The following DOCK4 variants were observed in gnomAD, a reference collection of about 807,000 sequenced individuals.
DOCK4 encodes the protein dedicator of cytokinesis 4.
DOCK4 carries 97 observed loss-of-function variants against 268.1 expected under a neutral mutation model. That is an observed-to-expected ratio of 0.36 (90% CI 0.31 to 0.43). The LOEUF (loss-of-function observed/expected upper bound fraction) is 0.43, where lower values mean the gene tolerates loss of function less well. Ranked by LOEUF, DOCK4 falls within the 20% of genes least tolerant of loss-of-function variation. DOCK4 has a pLI of 1.00. For synonymous variants in DOCK4, 954 were observed against 887.2 expected (o/e 1.08, Z -1.34); for missense variants, 2,145 against 2,455.7 (o/e 0.87, Z 2.67).
chr7:112,118,602 T>A (rs1812407826), intron 1 of DOCK4, among the ~76,000 whole-genome samples: 1 of 152,186 alleles, frequency 6.6e-6, no homozygotes, highest in Admixed American at 6.5e-5. Context: ...CCACTGGGAC[T>A]TCTCTCCATA....
intron 27 of DOCK4, chr7:111,821,144 T>C (rs1467800280): frequency 6.6e-6 from 1 of 152,216 alleles, no homozygotes; most frequent in Non-Finnish European, 1.5e-5. Flanking sequence ...TTTTAACACC[T>C]CCAAGTCTAT....
intron 2 of DOCK4, 145 bp from the exon 3 acceptor site, chr7:112,000,679 C>A: frequency 4.1e-6 from 2 of 492,784 alleles, no homozygotes; most frequent in South Asian, 1.3e-4. Flanking sequence ...TGGCCTTAGG[C>A]TACAAAATAG....
chr7:112,043,881 G>C (rs949065247), intron 1 of DOCK4, among the ~76,000 whole-genome samples: 2 of 151,898 alleles, frequency 1.3e-5, no homozygotes, highest in Admixed American at 6.6e-5. Context: ...ATCTGAGGTA[G>C]GAAAACTAAG....
At chr7:112,205,315 C>T (rs1320420104) in intron 1 of DOCK4, among the ~76,000 whole-genome samples, 3 of 152,104 alleles carry the variant, frequency 2.0e-5, no homozygotes, top group Non-Finnish European at 4.4e-5. Flanking sequence ...TTTCCGATCC[C>T]CCTCCCCATT....
intron 1 of DOCK4, among the ~76,000 whole-genome samples, chr7:112,082,677 C>T (rs1808705944): frequency 1.3e-5 from 2 of 152,046 alleles, no homozygotes; most frequent in South Asian, 4.1e-4. Context: ...CACTCTCTCT[C>T]CTCAGATTAC....
chr7:111,892,832 G>A (rs1808408179), intron 16 of DOCK4, among the ~76,000 whole-genome samples: 1 of 152,174 alleles, frequency 6.6e-6, no homozygotes, highest in Non-Finnish European at 1.5e-5. Flanking sequence ...TCAGTAGTAT[G>A]AGAAATAAAA....
At chr7:111,958,714 AT>A (rs1796628699) in intron 8 of DOCK4, among the ~76,000 whole-genome samples, 1 of 152,322 alleles carries the variant, frequency 6.6e-6, no homozygotes, top group African/African-American at 2.4e-5. Flanking sequence ...GCCACCTATT[AT>A]TATAATAACA....
chr7:112,131,707 T>C (rs1209177569), intron 1 of DOCK4, among the ~76,000 whole-genome samples: 1 of 151,602 alleles, frequency 6.6e-6, no homozygotes, highest in Admixed American at 6.6e-5. Flanking sequence ...TGTCAGCTAA[T>C]GAGAAAGAGA....
chr7:112,155,554 G>A (rs1816536659), intron 1 of DOCK4, among the ~76,000 whole-genome samples: 1 of 152,196 alleles, frequency 6.6e-6, no homozygotes, highest in African/African-American at 2.4e-5. Flanking sequence ...TCAAAGAAAT[G>A]TTTTTGGGTA....
At chr7:111,945,879 AAC>A in intron 8 of DOCK4, 81 bp from the exon 9 acceptor site, 1 of 1,035,746 alleles carries the variant, frequency 9.7e-7, no homozygotes, top group Non-Finnish European at 1.4e-6. Context: ...TCTTCATCAC[AAC>A]AGGTAAGCTA....
intron 32 of DOCK4, chr7:111,784,581 T>A: frequency 2.4e-6 from 1 of 419,012 alleles, no homozygotes; most frequent in Non-Finnish European, 4.8e-6. Context: ...ATTTTCCATG[T>A]GGTTGTTACA....
intron 16 of DOCK4, among the ~76,000 whole-genome samples, chr7:111,881,759 G>T (rs1412600589): frequency 6.6e-6 from 1 of 152,188 alleles, no homozygotes; most frequent in Non-Finnish European, 1.5e-5. Flanking sequence ...AAAAGAATGA[G>T]ATCCTGTCAT....
intron 8 of DOCK4, among the ~76,000 whole-genome samples, chr7:111,956,835 T>C (rs1249604718): frequency 6.6e-6 from 1 of 152,140 alleles, no homozygotes; most frequent in African/African-American, 2.4e-5. Flanking sequence ...CTTGGCAAAA[T>C]AAACTAAATT....
chr7:111,861,451 A>G (rs1046384477), intron 23 of DOCK4, among the ~76,000 whole-genome samples: 8 of 152,196 alleles, frequency 5.3e-5, no homozygotes, highest in Non-Finnish European at 7.3e-5. Context: ...GAAAAATATA[A>G]AAGTATAATA....
At chr7:111,790,335 G>T in intron 31 of DOCK4, 122 bp downstream of exon 31, 1 of 1,201,216 alleles carries the variant, frequency 8.3e-7, no homozygotes, top group Non-Finnish European at 1.2e-6. Context: ...GATAGGCCAG[G>T]CTGGAATCTA....
chr7:111,744,979 G>A (rs1796170350), intron 44 of DOCK4, among the ~76,000 whole-genome samples: 1 of 152,170 alleles, frequency 6.6e-6, no homozygotes, highest in Non-Finnish European at 1.5e-5. Flanking sequence ...TGGGTAGAAA[G>A]AAATGCCTTT....
At chr7:111,832,679 C>G (rs1802931325) in intron 26 of DOCK4, among the ~76,000 whole-genome samples, 1 of 152,090 alleles carries the variant, frequency 6.6e-6, no homozygotes, top group Admixed American at 6.5e-5. Context: ...AGGCACGAGC[C>G]ACCATGCCCA....
chr7:111,731,355 G>C (rs1456820743), intron 52 of DOCK4, among the ~76,000 whole-genome samples: 1 of 152,160 alleles, frequency 6.6e-6, no homozygotes, highest in Non-Finnish European at 1.5e-5. Flanking sequence ...GTTTGTAGAG[G>C]CTAATTTGTC....
intron 28 of DOCK4, among the ~76,000 whole-genome samples, chr7:111,810,220 G>A (rs867829135): frequency 1.1e-4 from 17 of 152,190 alleles, no homozygotes; most frequent in South Asian, 8.3e-4. Context: ...TTGGGAGGCC[G>A]AGGCGGGTGG....
Sources: allele counts gnomAD v4.1 joint callset (sites outside exome capture counted in the v4.1 genomes callset), GRCh38; gene constraint gnomAD v4.1.1; transcripts MANE v1.5; gene names NCBI Gene and HGNC (gene_info 2026-07-23, HGNC 2026-07-21).